The following TCF4 variants were observed in gnomAD, a reference collection of about 807,000 sequenced individuals.
The protein encoded by TCF4 is SL3-3 enhancer factor 2.
TCF4 carries 3 observed loss-of-function variants against 82.1 expected under a neutral mutation model. The observed-to-expected ratio is 0.04, with a 90% CI of 0.02 to 0.09. The LOEUF is 0.09. Among genes scored for constraint, TCF4 ranks in the 10% least tolerant of loss-of-function variants. The pLI is 1.00. For missense variants in TCF4, 518 were observed against 852.7 expected, an observed-to-expected ratio of 0.61 and a Z score of 4.89; for synonymous variants, 276 against 309.6, an observed-to-expected ratio of 0.89 and a Z score of 1.14.
chr18:55,435,716 C>G (rs1445734616), intron 5 of TCF4, among the ~76,000 whole-genome samples: 1 of 152,196 alleles, frequency 6.6e-6, no homozygotes, highest in Non-Finnish European at 1.5e-5. Context: ...ATGACTCAAA[C>G]ACGCCTCCAT....
intron 5 of TCF4, chr18:55,422,137 A>C (rs2094790283): frequency 4.6e-6 from 4 of 869,916 alleles, no homozygotes; most frequent in Non-Finnish European, 4.1e-6. Context: ...AAAAAAAAAA[A>C]AAAAAAAAAA....
intron 8 of TCF4, among the ~76,000 whole-genome samples, chr18:55,307,965 A>G (rs2070931777): frequency 6.6e-6 from 1 of 152,250 alleles, no homozygotes; most frequent in Non-Finnish European, 1.5e-5. Flanking sequence ...GGGCTAGCCC[A>G]TTCATCTGTT....
intron 15 of TCF4, among the ~76,000 whole-genome samples, chr18:55,240,333 C>A (rs983689530): frequency 2.0e-5 from 3 of 152,162 alleles, no homozygotes; most frequent in African/African-American, 7.2e-5. Context: ...TGGGTTTTCA[C>A]TGTAATTAGA....
chr18:55,525,326 CT>C, intron 3 of TCF4, among the ~76,000 whole-genome samples: 1 of 151,770 alleles, frequency 6.6e-6, no homozygotes, highest in African/African-American at 2.4e-5. Flanking sequence ...TAATGACTCT[CT>C]ATAAAGAAAA....
At chr18:55,489,819 C>A (rs865832190) in intron 3 of TCF4, among the ~76,000 whole-genome samples, 1 of 152,114 alleles carries the variant, frequency 6.6e-6, no homozygotes, top group Non-Finnish European at 1.5e-5. Context: ...CCTGAAACCA[C>A]GAACACCTAA....
intron 17 of TCF4, chr18:55,230,375 G>C (rs1171181950): frequency 6.6e-6 from 1 of 152,226 alleles, no homozygotes; most frequent in African/African-American, 2.4e-5. Context: ...CGTCACAGCA[G>C]CAGGGTTCAA....
At chr18:55,618,115 AATTC>A (rs1256346282) in intron 2 of TCF4, among the ~76,000 whole-genome samples, 1 of 152,094 alleles carries the variant, frequency 6.6e-6, no homozygotes, top group Non-Finnish European at 1.5e-5. Flanking sequence ...TGTTGTGGCA[AATTC>A]CTTCTATACT....
At chr18:55,607,997 T>C (rs1159417515) in intron 2 of TCF4, among the ~76,000 whole-genome samples, 1 of 152,190 alleles carries the variant, frequency 6.6e-6, no homozygotes, top group Admixed American at 6.5e-5. Context: ...CTGCTAATGC[T>C]GATAAAAACT....
At chr18:55,337,857 C>T (rs1459214505) in intron 8 of TCF4, among the ~76,000 whole-genome samples, 5 of 151,978 alleles carry the variant, frequency 3.3e-5, no homozygotes, top group South Asian at 2.1e-4. Context: ...CTTTTTCATC[C>T]GACGTCCGAT....
intron 5 of TCF4, among the ~76,000 whole-genome samples, chr18:55,436,471 C>G (rs1356797728): frequency 6.6e-6 from 1 of 152,188 alleles, no homozygotes; most frequent in Non-Finnish European, 1.5e-5. Context: ...CATACATTTT[C>G]TTTCTGTTTG....
At chr18:55,269,424 A>G (rs2059872826) in intron 11 of TCF4, 1 of 288,912 alleles carries the variant, frequency 3.5e-6, no homozygotes, top group South Asian at 3.7e-5. Context: ...GTGGCACATC[A>G]TGGATAAGAG....
At chr18:55,280,679 T>G (rs1411132381) in intron 8 of TCF4, among the ~76,000 whole-genome samples, 1 of 152,072 alleles carries the variant, frequency 6.6e-6, no homozygotes, top group Non-Finnish European at 1.5e-5. Flanking sequence ...GCTCACAAAA[T>G]TGGCAGTGAG....
chr18:55,257,220 CA>C, intron 14 of TCF4, 94 bp downstream of exon 14: 2 of 1,307,962 alleles, frequency 1.5e-6, no homozygotes, highest in Non-Finnish European at 2.2e-6. Flanking sequence ...AAGTTACTAA[CA>C]GGGAAAATCA....
intron 2 of TCF4, among the ~76,000 whole-genome samples, chr18:55,619,708 C>T (rs1335989076): frequency 2.6e-5 from 4 of 152,098 alleles, no homozygotes; most frequent in Admixed American, 2.6e-4. Context: ...TAATTTTTTT[C>T]ATTCCTAATT....
intron 9 of TCF4, among the ~76,000 whole-genome samples, chr18:55,279,061 T>C (rs1038028145): frequency 8.5e-5 from 13 of 152,218 alleles, no homozygotes; most frequent in African/African-American, 2.9e-4. Context: ...TTTCACCATG[T>C]AATATTCCAG....
At chr18:55,589,171 C>A (rs1453937110), upstream of TCF4, 2 of 683,522 alleles carry the variant, frequency 2.9e-6, no homozygotes, top group Admixed American at 5.6e-5. Context: ...TGCATGCACA[C>A]ACTTTTTCCC....
At chr18:55,588,216 C>T, upstream of TCF4, 1 of 1,370,870 alleles carries the variant, frequency 7.3e-7, no homozygotes, top group African/African-American at 1.5e-5. Context: ...AGATCCCTGA[C>T]TCTTAACACC....
chr18:55,438,678 T>C (rs752519906), intron 5 of TCF4, among the ~76,000 whole-genome samples: 12 of 152,252 alleles, frequency 7.9e-5, no homozygotes, highest in Middle Eastern at 3.4e-3. Context: ...CAGAAGACTT[T>C]TGGCCATGGG....
At chr18:55,569,977 TG>T (rs1165822208) in intron 3 of TCF4, among the ~76,000 whole-genome samples, 3 of 151,884 alleles carry the variant, frequency 2.0e-5, no homozygotes, top group Non-Finnish European at 4.4e-5. Flanking sequence ...ACACGAAAAG[TG>T]GGGAGGAAGG....
Sources: allele counts gnomAD v4.1 joint callset (sites outside exome capture counted in the v4.1 genomes callset), GRCh38; gene constraint gnomAD v4.1.1; transcripts MANE v1.5; gene names NCBI Gene and HGNC (gene_info 2026-07-23, HGNC 2026-07-21).